The following THSD7B variants were observed in gnomAD, a reference collection of about 807,000 sequenced individuals.
The protein encoded by THSD7B is thrombospondin type 1 domain containing 7B.
Under a neutral mutation model 213.6 loss-of-function variants are expected in THSD7B, and 138 were observed. The observed-to-expected ratio is 0.65, with a 90% CI of 0.56 to 0.74. The LOEUF (loss-of-function observed/expected upper bound fraction) is 0.74. Among genes scored for constraint, THSD7B ranks in the 30% least tolerant of loss-of-function variants. THSD7B has a pLI of 0.00. For synonymous variants in THSD7B, 742 were observed against 687.0 expected, an observed-to-expected ratio of 1.08 and a Z score of -1.25; for missense variants, 1,931 against 1,991.5, an observed-to-expected ratio of 0.97 and a Z score of 0.58.
intron 15 of THSD7B, among the ~76,000 whole-genome samples, chr2:137,461,876 A>C (rs182033699): frequency 1.2e-3 from 179 of 152,262 alleles, no homozygotes; most frequent in African/African-American, 4.1e-3. Context: ...TCTCATAAAG[A>C]GTATGAAAGT....
chr2:137,583,572 C>T (rs1428245624), intron 17 of THSD7B, among the ~76,000 whole-genome samples: 1 of 152,146 alleles, frequency 6.6e-6, no homozygotes, highest in Non-Finnish European at 1.5e-5. Context: ...GCCAGTTTTC[C>T]CAGCACCATT....
At chr2:137,419,475 T>C (rs1686876243) in intron 14 of THSD7B, among the ~76,000 whole-genome samples, 2 of 149,520 alleles carry the variant, frequency 1.3e-5, no homozygotes, top group African/African-American at 4.9e-5. Flanking sequence ...TCTGCAGAGA[T>C]GGGATGCCAA....
intron 14 of THSD7B, among the ~76,000 whole-genome samples, chr2:137,429,433 C>T (rs80238758): frequency 0.036 from 5,517 of 152,074 alleles, 295 homozygotes; most frequent in African/African-American, 0.12. Context: ...TGTATATACA[C>T]GTATTATTTA....
Position 137,405,297 on chromosome 2 carries a change from T to C in THSD7B, c.2501-316T>C, listed in dbSNP as rs537087191. Among the ~76,000 whole-genome samples, 7 of 152,098 alleles carry C rather than the reference T, an allele frequency of 4.6e-5. No homozygotes were observed. In the East Asian group the frequency reaches 9.7e-4, roughly 21 times the overall value. On this transcript the variant is annotated intron_variant, in intron 12 of 27. Transcript: ENST00000409968. ...ATCATCTTACTCTTATAGTTTCCCT[T>C]TCTTAGTTTTATATCATCTCTAGAG...
chr2:137,377,032 T>C (rs1216011292), intron 12 of THSD7B, among the ~76,000 whole-genome samples: 1 of 152,196 alleles, frequency 6.6e-6, no homozygotes, highest in Non-Finnish European at 1.5e-5. Context: ...TGGTAAGAAA[T>C]TAACTTTAAT....
chr2:137,646,767 T>A (rs1404957874), intron 21 of THSD7B, among the ~76,000 whole-genome samples: 5 of 151,868 alleles, frequency 3.3e-5, no homozygotes, highest in Admixed American at 3.3e-4. Flanking sequence ...AATTACCCAA[T>A]CTAAGGTATT....
chr2:137,243,688 TG>T (rs1681963857), intron 10 of THSD7B, among the ~76,000 whole-genome samples: 1 of 152,192 alleles, frequency 6.6e-6, no homozygotes, highest in Non-Finnish European at 1.5e-5. Flanking sequence ...AAGCCAATAT[TG>T]ACATAGATCT....
At chr2:137,520,112 G>T (rs1396042532) in intron 15 of THSD7B, among the ~76,000 whole-genome samples, 1 of 152,116 alleles carries the variant, frequency 6.6e-6, no homozygotes, top group Non-Finnish European at 1.5e-5. Flanking sequence ...GTGTAAAAAA[G>T]CTCTGGACTT....
At chr2:137,467,041 C>A (rs569182007) in intron 15 of THSD7B, among the ~76,000 whole-genome samples, 1 of 152,118 alleles carries the variant, frequency 6.6e-6, no homozygotes, top group Non-Finnish European at 1.5e-5. Context: ...CCAGCTCCCC[C>A]AGAAGCCTTT....
chr2:136,915,945 A>G (rs1162948585), intron 2 of THSD7B, among the ~76,000 whole-genome samples: 1 of 152,218 alleles, frequency 6.6e-6, no homozygotes, highest in African/African-American at 2.4e-5. Context: ...CTTGAAGTAC[A>G]TTTTAAAACA....
chr2:136,818,361 C>G (rs2104935854), intron 1 of THSD7B, among the ~76,000 whole-genome samples: 1 of 140,370 alleles, frequency 7.1e-6, no homozygotes, highest in Non-Finnish European at 1.5e-5. Flanking sequence ...ATCACATGGA[C>G]ACAGGAAGGG....
At chr2:137,005,828 G>A (rs1686096038) in intron 2 of THSD7B, among the ~76,000 whole-genome samples, 1 of 152,060 alleles carries the variant, frequency 6.6e-6, no homozygotes. Flanking sequence ...AAAATAATAA[G>A]TCATTGGCTC....
chr2:137,158,990 T>C (rs1679959881), intron 5 of THSD7B, among the ~76,000 whole-genome samples: 1 of 152,206 alleles, frequency 6.6e-6, no homozygotes, highest in African/African-American at 2.4e-5. Flanking sequence ...GGTCTCTCTG[T>C]GCAAGAGTAA....
chr2:137,473,701 G>A (rs374792260), intron 15 of THSD7B, among the ~76,000 whole-genome samples: 19 of 152,292 alleles, frequency 1.2e-4, no homozygotes, highest in Middle Eastern at 3.4e-3. Context: ...CTCTTCAATT[G>A]CTTTTAAGTA....
chr2:136,997,437 G>A (rs1169228523), intron 2 of THSD7B, among the ~76,000 whole-genome samples: 2 of 152,190 alleles, frequency 1.3e-5, no homozygotes, highest in African/African-American at 4.8e-5. Flanking sequence ...TATGGATACT[G>A]TCATATCCTA....
intron 15 of THSD7B, among the ~76,000 whole-genome samples, chr2:137,461,919 T>G (rs1470470998): frequency 6.6e-6 from 1 of 152,176 alleles, no homozygotes; most frequent in Non-Finnish European, 1.5e-5. Flanking sequence ...ATAAATCAAC[T>G]GATTGGTATC....
chr2:136,951,290 C>T (rs1685033789), intron 2 of THSD7B, among the ~76,000 whole-genome samples: 2 of 152,096 alleles, frequency 1.3e-5, no homozygotes, highest in African/African-American at 4.8e-5. Flanking sequence ...TCCTCATTTT[C>T]TTGTTATCTT....
chr2:137,673,170 A>T (rs1027982755), intron 27 of THSD7B, among the ~76,000 whole-genome samples: 4 of 152,250 alleles, frequency 2.6e-5, no homozygotes, highest in Non-Finnish European at 5.9e-5. Context: ...GAGAAGTGCC[A>T]GAGGCTTGCT....
At chr2:137,128,824 C>T (rs901470249) in intron 5 of THSD7B, among the ~76,000 whole-genome samples, 14 of 152,154 alleles carry the variant, frequency 9.2e-5, no homozygotes, top group African/African-American at 2.2e-4. Context: ...CTAAATTTAG[C>T]GACTATTCAA....
Sources: allele counts gnomAD v4.1 joint callset (sites outside exome capture counted in the v4.1 genomes callset), GRCh38; gene constraint gnomAD v4.1.1; transcripts MANE v1.5; gene names NCBI Gene and HGNC (gene_info 2026-07-23, HGNC 2026-07-21).